NRG3: variants seen among roughly 807,000 people sequenced by gnomAD.
NRG3 encodes pro-neuregulin-3, membrane-bound isoform.
NRG3 carries 31 observed loss-of-function variants against 66.9 expected under a neutral mutation model. The ratio of observed to expected loss-of-function variants is 0.46; its 90% CI spans 0.35 to 0.63. The LOEUF (loss-of-function observed/expected upper bound fraction) is 0.63, where lower values mean the gene tolerates loss of function less well. Among genes scored for constraint, NRG3 ranks in the 20% least tolerant of loss-of-function variants. NRG3 has a pLI of 0.00. For missense variants in NRG3, 910 were observed against 878.9 expected (o/e 1.04, Z -0.45); for synonymous variants, 393 against 359.4 (o/e 1.09, Z -1.06).
intron 5 of NRG3, among the ~76,000 whole-genome samples, chr10:82,953,515 AG>A (rs1849728323): frequency 6.6e-6 from 1 of 151,940 alleles, no homozygotes; most frequent in Non-Finnish European, 1.5e-5. Flanking sequence ...CATAATGGTC[AG>A]GGTTGTACAC....
intron 1 of NRG3, among the ~76,000 whole-genome samples, chr10:82,064,520 A>C (rs963599289): frequency 6.6e-6 from 1 of 152,162 alleles, no homozygotes; most frequent in Non-Finnish European, 1.5e-5. Flanking sequence ...CGTTGAAAAA[A>C]AAAGCATCAA....
At chr10:81,941,484 GA>G (rs1037962583) in intron 1 of NRG3, among the ~76,000 whole-genome samples, 2 of 152,024 alleles carry the variant, frequency 1.3e-5, no homozygotes, top group African/African-American at 4.8e-5. Flanking sequence ...TACTGTTAGC[GA>G]AAACTGTAAA....
intron 3 of NRG3, among the ~76,000 whole-genome samples, chr10:82,743,401 T>C (rs1004552497): frequency 6.6e-6 from 1 of 152,104 alleles, no homozygotes; most frequent in African/African-American, 2.4e-5. Context: ...GTGAAAAATA[T>C]GATATGGATT....
chr10:82,455,928 A>G (rs2091247888), intron 2 of NRG3, among the ~76,000 whole-genome samples: 1 of 152,022 alleles, frequency 6.6e-6, no homozygotes, highest in Admixed American at 6.6e-5. Flanking sequence ...AGATTACACT[A>G]AACTTATTTT....
chr10:82,268,822 A>T (rs2078439800), intron 1 of NRG3, among the ~76,000 whole-genome samples: 1 of 152,154 alleles, frequency 6.6e-6, no homozygotes, highest in Non-Finnish European at 1.5e-5. Context: ...AATCAAGACC[A>T]TCTCTAAGGA....
At chr10:82,643,350 C>A (rs1489590809) in intron 2 of NRG3, among the ~76,000 whole-genome samples, 2 of 152,168 alleles carry the variant, frequency 1.3e-5, no homozygotes, top group African/African-American at 4.8e-5. Flanking sequence ...TCTTTGCCTG[C>A]CACCATCCAT....
At chr10:81,996,569 A>G (rs2060948128) in intron 1 of NRG3, among the ~76,000 whole-genome samples, 1 of 152,176 alleles carries the variant, frequency 6.6e-6, no homozygotes, top group Admixed American at 6.5e-5. Flanking sequence ...CATATCCATG[A>G]TGAGTGCATA....
chr10:82,780,376 G>A (rs970386410), intron 3 of NRG3, among the ~76,000 whole-genome samples: 18 of 151,718 alleles, frequency 1.2e-4, no homozygotes, highest in African/African-American at 4.4e-4. Flanking sequence ...ATCCTCTCCA[G>A]CATCTGTTGA....
At chr10:82,099,984 A>ATAT (rs2066624570) in intron 1 of NRG3, among the ~76,000 whole-genome samples, 2 of 146,022 alleles carry the variant, frequency 1.4e-5, no homozygotes, top group African/African-American at 5.0e-5. Flanking sequence ...CCCTGTCTCT[A>ATAT]ATATATATAT....
At chr10:82,080,207 T>C (rs1242208612) in intron 1 of NRG3, among the ~76,000 whole-genome samples, 2 of 152,112 alleles carry the variant, frequency 1.3e-5, no homozygotes, top group Admixed American at 1.3e-4. Flanking sequence ...CACCTCCTTA[T>C]ACTATAAGCA....
At chr10:82,698,629 C>T (rs2055592608) in intron 2 of NRG3, among the ~76,000 whole-genome samples, 1 of 152,138 alleles carries the variant, frequency 6.6e-6, no homozygotes, top group Non-Finnish European at 1.5e-5. Context: ...CAAGTCTTAG[C>T]TCTACTGCAC....
intron 2 of NRG3, among the ~76,000 whole-genome samples, chr10:82,581,984 C>T (rs979123410): frequency 3.3e-5 from 5 of 151,924 alleles, no homozygotes; most frequent in African/African-American, 7.2e-5. Flanking sequence ...TTGTTTGCTT[C>T]TTTATTGATA....
At chr10:81,919,843 T>C (rs1846085194) in intron 1 of NRG3, among the ~76,000 whole-genome samples, 1 of 152,034 alleles carries the variant, frequency 6.6e-6, no homozygotes, top group South Asian at 2.1e-4. Flanking sequence ...GCAGAAACAG[T>C]GGCAATGAGG....
intron 1 of NRG3, among the ~76,000 whole-genome samples, chr10:82,263,041 T>A (rs186462344): frequency 6.6e-6 from 1 of 152,284 alleles, no homozygotes; most frequent in Admixed American, 6.5e-5. Context: ...TTACCTGCTT[T>A]GTATAAAAAA....
At chr10:82,183,854 T>C (rs1260826089) in intron 1 of NRG3, among the ~76,000 whole-genome samples, 1 of 152,086 alleles carries the variant, frequency 6.6e-6, no homozygotes, top group Non-Finnish European at 1.5e-5. Context: ...AGATGGGAGT[T>C]GAGGTGAGGA....
chr10:82,413,328 T>C (rs978014988), intron 2 of NRG3, among the ~76,000 whole-genome samples: 15 of 152,166 alleles, frequency 9.9e-5, no homozygotes, highest in Admixed American at 7.2e-4. Flanking sequence ...GGTGCAATTG[T>C]CAATGAACAG....
intron 2 of NRG3, among the ~76,000 whole-genome samples, chr10:82,634,211 G>A (rs921036884): frequency 3.3e-5 from 5 of 152,068 alleles, no homozygotes; most frequent in Non-Finnish European, 7.4e-5. Flanking sequence ...ATTTTTTTGA[G>A]GGGAGGGAGC....
At chr10:82,778,912 G>T (rs1434913291) in intron 3 of NRG3, among the ~76,000 whole-genome samples, 1 of 152,072 alleles carries the variant, frequency 6.6e-6, no homozygotes, top group East Asian at 1.9e-4. Context: ...GCGGGGGAGG[G>T]ATTCTCTCCT....
At chr10:82,408,835 T>C (rs1590026782) in intron 2 of NRG3, among the ~76,000 whole-genome samples, 1 of 151,972 alleles carries the variant, frequency 6.6e-6, no homozygotes, top group East Asian at 1.9e-4. Context: ...AATACATTAT[T>C]TATTGCTGAG....
Sources: gnomAD v4.1 joint callset for allele counts (sites outside exome capture counted in the v4.1 genomes callset) on GRCh38, gnomAD v4.1.1 for gene constraint, MANE v1.5 for transcripts, NCBI Gene and HGNC (gene_info 2026-07-23, HGNC 2026-07-21) for gene names.